The following DAB2 variants were observed in gnomAD, a reference collection of about 807,000 sequenced individuals.
DAB2 encodes the protein DAB adaptor protein 2.
DAB2 carries 28 observed loss-of-function variants against 71.6 expected under a neutral mutation model. The ratio of observed to expected loss-of-function variants is 0.39; its 90% CI spans 0.29 to 0.54. The LOEUF (loss-of-function observed/expected upper bound fraction) is 0.54. Among genes scored for constraint, DAB2 ranks in the 20% least tolerant of loss-of-function variants. The probability of loss-of-function intolerance (pLI) is 0.68; values close to 1 mark genes in which losing one functional copy is unlikely to be tolerated. For synonymous variants in DAB2, 345 were observed against 339.7 expected, an observed-to-expected ratio of 1.02 and a Z score of -0.17; for missense variants, 867 against 928.8, an observed-to-expected ratio of 0.93 and a Z score of 0.86.
At chr5:39,403,263 T>C (rs1482676421) in intron 1 of DAB2, among the ~76,000 whole-genome samples, 2 of 152,130 alleles carry the variant, frequency 1.3e-5, no homozygotes, top group African/African-American at 2.4e-5. Flanking sequence ...AATTGTGAAA[T>C]AGCTGGAGGG....
chr5:39,386,250 A>G (rs1489375998), intron 9 of DAB2, among the ~76,000 whole-genome samples: 1 of 152,206 alleles, frequency 6.6e-6, no homozygotes, highest in African/African-American at 2.4e-5. Flanking sequence ...CATAGTTTGC[A>G]ACATGAGCAT....
At chr5:39,408,979 C>T (rs908854112) in intron 1 of DAB2, 6 of 152,104 alleles carry the variant, frequency 3.9e-5, no homozygotes, top group Admixed American at 1.3e-4. Flanking sequence ...GGGTAATTTT[C>T]GTTTTTTGTA....
At chr5:39,395,388 C>CCTATACCGTG (rs1447778746) in intron 1 of DAB2, among the ~76,000 whole-genome samples, 1 of 152,220 alleles carries the variant, frequency 6.6e-6, no homozygotes, top group African/African-American at 2.4e-5. Flanking sequence ...TCAACAAAAG[C>CCTATACCGTG]CCTCTTCATT....
intron 1 of DAB2, among the ~76,000 whole-genome samples, chr5:39,397,843 C>T (rs1030589784): frequency 1.3e-5 from 2 of 152,180 alleles, no homozygotes; most frequent in African/African-American, 4.8e-5. Context: ...TTTTAACTTT[C>T]TAGGCCCAGA....
intron 13 of DAB2, 64 bp downstream of exon 13, chr5:39,375,933 T>A: frequency 8.5e-7 from 1 of 1,177,468 alleles, no homozygotes. Context: ...CAAGGTTAAT[T>A]CAGGAGGCTG....
intron 11 of DAB2, among the ~76,000 whole-genome samples, chr5:39,379,455 A>AT (rs1419637594): frequency 6.6e-6 from 1 of 151,140 alleles, no homozygotes; most frequent in African/African-American, 2.4e-5. Flanking sequence ...AAAAAAAAAA[A>AT]AAAAAAAAAG....
chr5:39,376,947 A>T lies in DAB2; in HGVS notation c.1840T>A (p.Ser614Thr), dbSNP rs1738541709. The change falls in exon 12 of 15, where the codon TCT becomes ACT. Residue 614 changes from serine to threonine, a missense_variant. Physicochemically the swap from Ser to Thr is moderately conservative, Grantham distance 58. Coordinates refer to ENST00000320816, the MANE Select transcript of DAB2 (RefSeq NM_001343.4). The part of the protein sequence containing the change: ...VSTQPPSMHS[S>T]LLVTPPQPPP... The stretch of plus-strand genomic sequence containing the variant: ...GGCTGAGGAGGAGTGACCAGGAGAG[A>T]GGAGTGCATGGATGGGGGCTGAGTG... 2 of 1,613,972 alleles carry T rather than the reference A, an allele frequency of 1.2e-6. No individual in the cohort carries two copies. The highest frequency in any genetic ancestry group is 2.7e-5 in the African/African-American group (2 of 74,894).
At chr5:39,374,162 T>C (rs1754763704) in intron 14 of DAB2, among the ~76,000 whole-genome samples, 2 of 152,158 alleles carry the variant, frequency 1.3e-5, no homozygotes, top group African/African-American at 2.4e-5. Context: ...AGTTTAGTAG[T>C]CCTGTTTGGA....
chr5:39,403,828 T>A (rs893475361), intron 1 of DAB2, among the ~76,000 whole-genome samples: 5 of 151,900 alleles, frequency 3.3e-5, no homozygotes, highest in African/African-American at 1.2e-4. Flanking sequence ...CTCTACCCAT[T>A]TTGTTTTTTT....
At chr5:39,424,249 T>C (rs969418307) in intron 1 of DAB2, among the ~76,000 whole-genome samples, 5 of 150,424 alleles carry the variant, frequency 3.3e-5, no homozygotes, top group African/African-American at 1.3e-4. Context: ...ATAAAACAAG[T>C]TTCTTAAGTC....
chr5:39,388,715 G>T, intron 8 of DAB2, 84 bp downstream of exon 8: 3 of 1,119,392 alleles, frequency 2.7e-6, no homozygotes, highest in Non-Finnish European at 4.0e-6. Context: ...ATTCAATACA[G>T]ATTTGGTATC....
At position 39,415,968 on chromosome 5, in the gene DAB2, A is replaced by C. The variant is rs1226485257; in HGVS notation, c.-102+8836T>G. The stretch of plus-strand genomic sequence containing the variant: ...GAATGAAGCTAAGATTTTATCCTAA[A>C]CTGTTCATGTTTAATGAATGAGTCA... On this transcript the variant is annotated intron_variant, in intron 1 of 14. Transcript: ENST00000320816. 2.0e-5 allele frequency among the ~76,000 whole-genome samples: 3 copies of C among 152,046 alleles called. No individual in the cohort carries two copies. The East Asian group carries it at 5.8e-4, about 29-fold the overall frequency.
At chr5:39,408,389 T>C (rs1037313321) in intron 1 of DAB2, 11 of 152,138 alleles carry the variant, frequency 7.2e-5, no homozygotes, top group African/African-American at 2.7e-4. Flanking sequence ...ACCCATAGAG[T>C]TGGCATTAAC....
chr5:39,389,862 T>C lies in DAB2; in HGVS notation c.533A>G (p.Glu178Gly). 6.4e-7 allele frequency: 1 copy of C among 1,563,976 alleles called. No individual in the cohort carries two copies. The highest frequency in any genetic ancestry group is 1.1e-5 in the South Asian group (1 of 87,294). ...VIYNVKKKEE[E>G]KKKIEEASKA... ...TCAGGTAGTACTTGCCTTTTTCTTTTCTTCTTCCTTTTTCTTTACATTATA... is the reference window on the plus strand; with the variant it reads ...TCAGGTAGTACTTGCCTTTTTCTTTCCTTCTTCCTTTTTCTTTACATTATA... The change falls in exon 6 of 15, where the codon GAA (glutamate) becomes GGA (glycine). Residue 178 changes from glutamate (E) to glycine (G), a missense_variant. Physicochemically the swap from Glu to Gly is moderately conservative, Grantham distance 98. Coordinates refer to ENST00000320816, the MANE Select transcript of DAB2 (RefSeq NM_001343.4).
At chr5:39,374,240 A>ATCAGGAT (rs1754765852) in intron 14 of DAB2, among the ~76,000 whole-genome samples, 1 of 151,512 alleles carries the variant, frequency 6.6e-6, no homozygotes, top group Non-Finnish European at 1.5e-5. Flanking sequence ...CATTATTTCT[A>ATCAGGAT]TTGTTCTACC....
At chr5:39,400,509 G>A (rs1386086560) in intron 1 of DAB2, among the ~76,000 whole-genome samples, 1 of 152,124 alleles carries the variant, frequency 6.6e-6, no homozygotes, top group African/African-American at 2.4e-5. Context: ...TGGGATTATA[G>A]GTGTGAGCCA....
chr5:39,416,362 A>T (rs1579928180), intron 1 of DAB2, among the ~76,000 whole-genome samples: 1 of 152,050 alleles, frequency 6.6e-6, no homozygotes, highest in East Asian at 1.9e-4. Flanking sequence ...GTTGTAACTG[A>T]TCTCCCTTTA....
At chr5:39,390,057 C>T in intron 5 of DAB2, 125 bp from the exon 6 acceptor site, 2 of 698,444 alleles carry the variant, frequency 2.9e-6, no homozygotes, top group Middle Eastern at 4.2e-4. Context: ...CTACCCTCTG[C>T]TGGCTTATAG....
chr5:39,398,769 C>G (rs181331368), intron 1 of DAB2, among the ~76,000 whole-genome samples: 2 of 152,316 alleles, frequency 1.3e-5, no homozygotes, highest in Admixed American at 1.3e-4. Context: ...ATTCACATTT[C>G]TCCCAAGGTT....
Sources: gnomAD v4.1 joint callset for allele counts (sites outside exome capture counted in the v4.1 genomes callset) on GRCh38, gnomAD v4.1.1 for gene constraint, MANE v1.5 for transcripts, NCBI Gene and HGNC (gene_info 2026-07-23, HGNC 2026-07-21) for gene names.